XRCC6: variants seen among roughly 807,000 people sequenced by gnomAD.
The protein encoded by XRCC6 is DNA repair protein Ku70.
A neutral mutation model predicts 65.7 loss-of-function variants in XRCC6; 5 were observed. The ratio of observed to expected loss-of-function variants is 0.08; its 90% confidence interval spans 0.04 to 0.16. The LOEUF (loss-of-function observed/expected upper bound fraction) is 0.16, where lower values mean the gene tolerates loss of function less well. Ranked by LOEUF, XRCC6 falls within the 10% of genes least tolerant of loss-of-function variation. The pLI is 1.00. For synonymous variants in XRCC6, 270 were observed against 270.6 expected, an observed-to-expected ratio of 1.00 and a Z score of 0.02; for missense variants, 447 against 738.1, an observed-to-expected ratio of 0.61 and a Z score of 4.57.
Position 41,663,935 on chromosome 22 carries a change from G to T in XRCC6, c.*120G>T. The T allele has an allele frequency of 3.6e-6, 4 of 1,126,572 alleles. No individual in the cohort carries two copies. Among genetic ancestry groups the T allele is most frequent in the Non-Finnish European group, 5.0e-6 (4 of 801,320 alleles). The allele number at this position is 1,126,572 out of a possible 1,614,324, so 69.8% of individuals were successfully genotyped here. ...AGAGTCTACCCGACATAAGTCGAGG[G>T]ACTTTATGTTTTTGAGGCTTTCTGT... On this transcript the variant is annotated 3_prime_UTR_variant, in exon 13 of 13. Transcript: ENST00000360079.
At chr22:41,645,964 C>CA (rs1295667825) in intron 6 of XRCC6, among the ~76,000 whole-genome samples, 1 of 151,824 alleles carries the variant, frequency 6.6e-6, no homozygotes, top group African/African-American at 2.4e-5. Flanking sequence ...CCGCACCCGG[C>CA]ATGATGGGTC....
chr22:41,634,092 T>C (rs563176722), intron 3 of XRCC6, among the ~76,000 whole-genome samples: 2 of 152,244 alleles, frequency 1.3e-5, no homozygotes, highest in East Asian at 3.9e-4. Flanking sequence ...AAGGAGAGAA[T>C]AGCTGTGGAC....
At chr22:41,657,144 T>TTAC (rs1167102119) in intron 10 of XRCC6, 112 bp downstream of exon 10, 21 of 1,268,412 alleles carry the variant, frequency 1.7e-5, no homozygotes, top group Non-Finnish European at 2.1e-5. Context: ...AACTGACAGA[T>TTAC]TACTACTTGT....
intron 10 of XRCC6, among the ~76,000 whole-genome samples, chr22:41,657,534 T>C (rs1306084241): frequency 8.1e-6 from 1 of 123,128 alleles, no homozygotes; most frequent in Admixed American, 8.1e-5. Context: ...TTATTATTAT[T>C]ATTTTGAGAC....
At chr22:41,634,882 T>C (rs1362459956) in intron 3 of XRCC6, among the ~76,000 whole-genome samples, 1 of 152,180 alleles carries the variant, frequency 6.6e-6, no homozygotes, top group Non-Finnish European at 1.5e-5. Flanking sequence ...TACCAGATGC[T>C]GACATTAGTT....
chr22:41,634,898 A>C (rs537701096), intron 3 of XRCC6, among the ~76,000 whole-genome samples: 2 of 152,294 alleles, frequency 1.3e-5, no homozygotes, highest in East Asian at 3.9e-4. Context: ...TAGTTTATAT[A>C]GAGGGGTAGA....
At chr22:41,638,583 A>T (rs994731944) in intron 6 of XRCC6, among the ~76,000 whole-genome samples, 1 of 152,118 alleles carries the variant, frequency 6.6e-6, no homozygotes, top group Non-Finnish European at 1.5e-5. Flanking sequence ...CAAGAGATTG[A>T]GACCATCCTG....
chr22:41,622,138 C>T, intron 2 of XRCC6, 52 bp downstream of exon 2: 2 of 1,581,338 alleles, frequency 1.3e-6, no homozygotes, highest in Non-Finnish European at 8.7e-7. Context: ...AAAGACCTTC[C>T]CTGCCTATCT....
intron 2 of XRCC6, among the ~76,000 whole-genome samples, chr22:41,622,370 G>A (rs1457607933): frequency 6.6e-6 from 1 of 152,090 alleles, no homozygotes; most frequent in Non-Finnish European, 1.5e-5. Context: ...AAGTGGTTCA[G>A]GTGAGACCCT....
At chr22:41,638,522 C>T (rs181729240) in intron 6 of XRCC6, among the ~76,000 whole-genome samples, 9 of 152,206 alleles carry the variant, frequency 5.9e-5, no homozygotes, top group East Asian at 1.9e-4. Context: ...CGGTGGCTCA[C>T]GCCTTGTAAT....
At chr22:41,656,071 AAAT>A (rs2068041969) in intron 9 of XRCC6, among the ~76,000 whole-genome samples, 1 of 151,454 alleles carries the variant, frequency 6.6e-6, no homozygotes, top group South Asian at 2.1e-4. Context: ...CTCTGCAAAA[AAAT>A]AAAAAAAAGT....
Position 41,636,162 on chromosome 22 carries a change from T to G in XRCC6, c.245T>G (p.Leu82Arg). 1 of 1,605,416 alleles carries G rather than the reference T, an allele frequency of 6.2e-7. No homozygotes were observed. Among genetic ancestry groups the G allele is most frequent in the African/African-American group, 1.3e-5 (1 of 74,254 alleles). Residue 82 changes from leucine (L) to arginine (R), a missense_variant, in exon 4 of 13, where the codon CTC (leucine) becomes CGC (arginine). Leu to Arg is a moderately radical substitution (Grantham distance 102). Transcript: ENST00000360079. Reference protein sequence around the residue: ...ISKIISSDRDLLAVVFYGTEK... With the variant: ...ISKIISSDRDRLAVVFYGTEK... ...AAGATCATAAGCAGTGATCGAGATCTCTTGGCTGTGGTGTTCTATGGTACC... is the reference window on the plus strand; with the variant it reads ...AAGATCATAAGCAGTGATCGAGATCGCTTGGCTGTGGTGTTCTATGGTACC...
At chr22:41,636,975 TAAAA>T (rs1160066899) in intron 5 of XRCC6, among the ~76,000 whole-genome samples, 2 of 150,528 alleles carry the variant, frequency 1.3e-5, no homozygotes, top group African/African-American at 2.4e-5. Flanking sequence ...TAGAATAAAA[TAAAA>T]AAATAAAGTG....
At chr22:41,643,596 G>GGA in intron 6 of XRCC6, among the ~76,000 whole-genome samples, 1 of 152,222 alleles carries the variant, frequency 6.6e-6, no homozygotes, top group East Asian at 1.9e-4. Flanking sequence ...CGAGACGGGT[G>GGA]GATCACCTGA....
At chr22:41,637,892 A>C in intron 6 of XRCC6, 101 bp downstream of exon 6, 3 of 1,325,888 alleles carry the variant, frequency 2.3e-6, no homozygotes, top group Non-Finnish European at 3.0e-6. Context: ...TGGGAGGCCA[A>C]GGCAGGCGGA....
intron 6 of XRCC6, among the ~76,000 whole-genome samples, chr22:41,646,641 G>C (rs552504007): frequency 6.6e-6 from 1 of 152,288 alleles, no homozygotes; most frequent in Non-Finnish European, 1.5e-5. Flanking sequence ...CTGGTCCTAA[G>C]CAAGCATTTT....
At chr22:41,637,016 A>G (rs955777537) in intron 5 of XRCC6, among the ~76,000 whole-genome samples, 3 of 151,966 alleles carry the variant, frequency 2.0e-5, no homozygotes, top group African/African-American at 7.3e-5. Flanking sequence ...GTGTAACATT[A>G]ACACTGCAGA....
intron 4 of XRCC6, 40 bp downstream of exon 4, chr22:41,636,291 A>C (rs2067809169): frequency 4.5e-6 from 7 of 1,558,398 alleles, no homozygotes; most frequent in Non-Finnish European, 6.0e-6. Context: ...CTTATATATG[A>C]GAATATCAGT....
In XRCC6 at chr22:41,650,842, T is replaced by C; in HGVS notation, c.1080T>C (p.His360=). The change falls in exon 8 of 13, where the codon CAT becomes CAC. Residue 360 remains histidine, a synonymous_variant. Transcript: ENST00000360079. Reference sequence around the variant, plus strand: ...CGTTGGTACTGCTGAAGAAACACCATTACCTGAGGCCCTCCCTGTTCGTGT... The same window carrying C: ...CGTTGGTACTGCTGAAGAAACACCACTACCTGAGGCCCTCCCTGTTCGTGT... ...FKPLVLLKKH[H]YLRPSLFVYP... is the part of the protein sequence containing the mutation. The C allele has an allele frequency of 6.2e-7, 1 of 1,614,024 alleles. No individual in the cohort carries two copies. Among genetic ancestry groups the C allele is most frequent in the Non-Finnish European group, 8.5e-7 (1 of 1,179,964 alleles).
Sources: allele counts gnomAD v4.1 joint callset (sites outside exome capture counted in the v4.1 genomes callset), GRCh38; gene constraint gnomAD v4.1.1; transcripts MANE v1.5; gene names NCBI Gene and HGNC (gene_info 2026-07-23, HGNC 2026-07-21).